The following HSD17B12 variants were observed in gnomAD, a reference collection of about 807,000 sequenced individuals.
The protein encoded by HSD17B12 is very-long-chain 3-oxoacyl-CoA reductase.
HSD17B12 carries 32 observed loss-of-function variants against 39.3 expected under a neutral mutation model. The observed-to-expected ratio is 0.81, with a 90% CI of 0.61 to 1.09. HSD17B12 has a LOEUF of 1.09. HSD17B12 is among the 50% of genes least tolerant of loss of function. The pLI is 0.00. For synonymous variants in HSD17B12, 150 were observed against 146.7 expected, an observed-to-expected ratio of 1.02 and a Z score of -0.16; for missense variants, 342 against 382.9, an observed-to-expected ratio of 0.89 and a Z score of 0.89.
intron 3 of HSD17B12, among the ~76,000 whole-genome samples, chr11:43,757,550 G>A (rs1251988531): frequency 8.5e-5 from 12 of 141,716 alleles, no homozygotes; most frequent in Admixed American, 6.5e-4. Context: ...GGAGAATGGC[G>A]TGAACCCGGG....
At chr11:43,689,380 T>TTGATTCTCACACAGCAGCCACAG (rs768282154) in intron 1 of HSD17B12, among the ~76,000 whole-genome samples, 26 of 152,176 alleles carry the variant, frequency 1.7e-4, no homozygotes, top group Admixed American at 2.6e-4. Flanking sequence ...TCTCCTGCAG[T>TTGATTCTCACACAGCAGCCACAG]TGATTCTCAC....
intron 1 of HSD17B12, among the ~76,000 whole-genome samples, chr11:43,747,592 G>A (rs1181325997): frequency 6.6e-6 from 1 of 152,206 alleles, no homozygotes; most frequent in Admixed American, 6.5e-5. Flanking sequence ...CTGTGTTCAA[G>A]GAGAAAGACA....
At chr11:43,589,097 C>A in the HSD17B12 span, among the ~76,000 whole-genome samples, 1 of 150,748 alleles carries the variant, frequency 6.6e-6, no homozygotes, top group South Asian at 2.1e-4. Context: ...CAATTTCCAC[C>A]AAGGAAAAAA....
intron 3 of HSD17B12, among the ~76,000 whole-genome samples, chr11:43,780,038 A>G (rs1950749045): frequency 1.3e-5 from 2 of 152,036 alleles, no homozygotes; most frequent in African/African-American, 4.8e-5. Context: ...ATTTCATGGG[A>G]AGTATTGGTA....
At chr11:43,678,342 A>C (rs1463150786), upstream of HSD17B12, among the ~76,000 whole-genome samples, 24 of 152,226 alleles carry the variant, frequency 1.6e-4, no homozygotes, top group Admixed American at 2.6e-4. Flanking sequence ...AGCCCTTTGT[A>C]AGATGAGTAG....
At chr11:43,841,975 T>G (rs540489097) in intron 9 of HSD17B12, among the ~76,000 whole-genome samples, 54 of 152,326 alleles carry the variant, frequency 3.5e-4, no homozygotes, top group Non-Finnish European at 4.3e-4. Flanking sequence ...TGATGATGAT[T>G]ATTATTATTT....
At chr11:43,825,110 G>A (rs929534542) in intron 6 of HSD17B12, among the ~76,000 whole-genome samples, 2 of 149,732 alleles carry the variant, frequency 1.3e-5, no homozygotes, top group African/African-American at 4.9e-5. Context: ...CAGCCTGGCT[G>A]GCAGAGTGAG....
chr11:43,741,271 CAGTAATCA>C (rs969743001), intron 1 of HSD17B12, among the ~76,000 whole-genome samples: 6 of 152,096 alleles, frequency 3.9e-5, no homozygotes, highest in Non-Finnish European at 5.9e-5. Context: ...AGCAATTAAA[CAGTAATCA>C]AGTAATCAAG....
intron 3 of HSD17B12, among the ~76,000 whole-genome samples, chr11:43,796,045 C>T (rs1230627154): frequency 1.3e-5 from 2 of 152,056 alleles, no homozygotes; most frequent in South Asian, 4.2e-4. Flanking sequence ...AGTTTAAGTC[C>T]CGAGTGTACG....
chr11:43,794,662 G>C (rs1950900548), intron 3 of HSD17B12, among the ~76,000 whole-genome samples: 2 of 152,210 alleles, frequency 1.3e-5, no homozygotes, highest in South Asian at 4.1e-4. Context: ...GAAAGAGCGT[G>C]ATCTTGGACA....
intron 6 of HSD17B12, among the ~76,000 whole-genome samples, chr11:43,816,654 G>A (rs1222715723): frequency 6.6e-6 from 1 of 151,770 alleles, no homozygotes; most frequent in Non-Finnish European, 1.5e-5. Flanking sequence ...TGGGGAACAG[G>A]TGGTGTTTGG....
intron 1 of HSD17B12, among the ~76,000 whole-genome samples, chr11:43,690,398 A>ATTTTT (rs1303064530): frequency 7.3e-4 from 20 of 27,472 alleles, no homozygotes; most frequent in Non-Finnish European, 1.0e-3. Context: ...ATATATATAT[A>ATTTTT]TATATATTTT....
the HSD17B12 span, among the ~76,000 whole-genome samples, chr11:43,607,850 C>T: frequency 1.2e-4 from 18 of 152,126 alleles, no homozygotes; most frequent in African/African-American, 3.6e-4. Flanking sequence ...GGCGGAAGAA[C>T]GGATTTTGAG....
At chr11:43,620,550 G>A in the HSD17B12 span, among the ~76,000 whole-genome samples, 1 of 152,282 alleles carries the variant, frequency 6.6e-6, no homozygotes. Context: ...AGAAAACTAA[G>A]AAACAGTTAC....
chr11:43,659,333 G>C, the HSD17B12 span, among the ~76,000 whole-genome samples: 1 of 152,178 alleles, frequency 6.6e-6, no homozygotes, highest in South Asian at 2.1e-4. Context: ...CTGACCCCTT[G>C]TGCTTCCCAG....
the HSD17B12 span, among the ~76,000 whole-genome samples, chr11:43,626,191 T>G: frequency 6.6e-6 from 1 of 151,662 alleles, no homozygotes; most frequent in Non-Finnish European, 1.5e-5. Context: ...GGATAGAAAT[T>G]CTATTTTAAA....
At chr11:43,566,015 G>T in the HSD17B12 span, among the ~76,000 whole-genome samples, 1 of 132,856 alleles carries the variant, frequency 7.5e-6, no homozygotes. Context: ...CCCAGCCAGG[G>T]CCCAAAGAGG....
At chr11:43,677,183 T>G (rs1030406801), upstream of HSD17B12, among the ~76,000 whole-genome samples, 2 of 150,366 alleles carry the variant, frequency 1.3e-5, no homozygotes, top group African/African-American at 2.5e-5. Context: ...GAAGGGGGGG[T>G]TTGGGCAGCA....
At chr11:43,763,206 A>C (rs569494125) in intron 3 of HSD17B12, among the ~76,000 whole-genome samples, 2 of 152,320 alleles carry the variant, frequency 1.3e-5, no homozygotes, top group South Asian at 4.1e-4. Context: ...TATAAGCATA[A>C]GTCTTAGGTA....
Sources: allele counts gnomAD v4.1 joint callset (sites outside exome capture counted in the v4.1 genomes callset), GRCh38; gene constraint gnomAD v4.1.1; transcripts MANE v1.5; gene names NCBI Gene and HGNC (gene_info 2026-07-23, HGNC 2026-07-21).